Variants in TDRKH observed in about 807,000 individuals in gnomAD.
TDRKH encodes tudor and KH domain-containing protein.
Under a neutral mutation model 61.3 loss-of-function variants are expected in TDRKH, and 28 were observed. That is an observed-to-expected ratio of 0.46 (90% confidence interval 0.34 to 0.63). The LOEUF is 0.63. Among genes scored for constraint, TDRKH ranks in the 20% least tolerant of loss-of-function variants. The pLI is 0.01. For synonymous variants in TDRKH, 219 were observed against 244.4 expected (o/e 0.90, Z 0.97); for missense variants, 540 against 683.4 (o/e 0.79, Z 2.34).
intron 1 of TDRKH, among the ~76,000 whole-genome samples, chr1:151,785,693 A>C (rs1158867534): frequency 6.6e-6 from 1 of 152,230 alleles, no homozygotes; most frequent in African/African-American, 2.4e-5. Context: ...AAAACCTTGT[A>C]AAGTGATTTT....
intron 3 of TDRKH, 92 bp from the exon 4 acceptor site, chr1:151,780,232 T>A (rs577047032): frequency 2.2e-6 from 3 of 1,355,120 alleles, no homozygotes; most frequent in Non-Finnish European, 3.0e-6. Context: ...TGGAGGTAGA[T>A]AGAATTAGCC....
Position 151,781,783 on chromosome 1 carries a change from C to T in TDRKH, c.125-196G>A, listed in dbSNP as rs958275238. Reference sequence around the variant, plus strand: ...CCAAAGGATCAGAGATGGGCATTTTCTCTGGGACACTGTTTCAGATGCTAA... The same window carrying T: ...CCAAAGGATCAGAGATGGGCATTTTTTCTGGGACACTGTTTCAGATGCTAA... On this transcript the variant is annotated intron_variant, in intron 2 of 12. Transcript: ENST00000368824. 4 of 556,726 alleles carry T rather than the reference C, an allele frequency of 7.2e-6. No homozygotes were observed. In the African/African-American group the frequency reaches 7.6e-5, roughly 11 times the overall value. The allele number at this position is 556,726 out of a possible 1,614,324, so 34.5% of individuals were successfully genotyped here.
In TDRKH at chr1:151,776,482, T is replaced by A. The variant is rs1301868139; in HGVS notation, c.1001A>T (p.Asp334Val). The A allele has an allele frequency of 1.9e-6, 3 of 1,614,176 alleles. No homozygotes were observed. The highest frequency in any genetic ancestry group is 4.5e-5 in the East Asian group (2 of 44,882). The change falls in exon 7 of 13, where the codon GAT becomes GTT. Residue 334 changes from aspartate to valine, a missense_variant. Transcript: ENST00000368824. ...QIVGSRSLQL[D>V]KLVNEMTQHY... ...CTGGGTCATCTCATTGACAAGCTTA[T>A]CCAATTGCAGGCTGCGGGAGCCAAC... is the stretch of plus-strand genomic sequence containing the variant.
At chr1:151,784,053 C>T (rs1368404740) in intron 1 of TDRKH, among the ~76,000 whole-genome samples, 1 of 152,222 alleles carries the variant, frequency 6.6e-6, no homozygotes, top group Non-Finnish European at 1.5e-5. Context: ...GCTGCCTCCT[C>T]CAACCTCTCT....
At position 151,774,110 on chromosome 1, in the gene TDRKH, G is replaced by T. The variant is rs1389679453; in HGVS notation, c.*342C>A. ...AGTCCAATTTTTTTGTAGTCTGATG[G>T]GAGGAGAATATTAATTTGGTCCACA... On this transcript the variant is annotated 3_prime_UTR_variant, in exon 13 of 13. Transcript: ENST00000368824. 1 of 238,272 alleles carries T rather than the reference G, an allele frequency of 4.2e-6. No individual in the cohort carries two copies. The highest frequency in any genetic ancestry group is 1.0e-4 in the East Asian group (1 of 9,628). 14.8% of individuals were successfully genotyped at this position (238,272 alleles called of 1,614,324 possible). A position where few individuals can be genotyped will look rare whatever the true frequency, so the allele number is the denominator to read the frequency against.
downstream of TDRKH, chr1:151,770,393 CCACGAAG>C: frequency 7.7e-7 from 1 of 1,294,632 alleles, no homozygotes; most frequent in Non-Finnish European, 1.0e-6. Flanking sequence ...TTCCCACCTA[CCACGAAG>C]GTGGGAAGTT....
rs1337409258 is a variant in TDRKH at position 151,774,148 on chromosome 1, A to G, written c.*304T>C. 2.3e-5 allele frequency: 8 copies of G among 342,826 alleles called. No individual in the cohort carries two copies. The highest frequency in any genetic ancestry group is 4.5e-5 in the Admixed American group (1 of 22,008). 21.2% of individuals were successfully genotyped at this position (342,826 alleles called of 1,614,324 possible). A position where few individuals can be genotyped will look rare whatever the true frequency, so the allele number is the denominator to read the frequency against. ...AATTTGGTCCACAGCAAGCCAGACTATATGTGTAATAAAGGAAGGACTGCA... is the reference window on the plus strand; with the variant it reads ...AATTTGGTCCACAGCAAGCCAGACTGTATGTGTAATAAAGGAAGGACTGCA... On this transcript the variant is annotated 3_prime_UTR_variant, in exon 13 of 13. Transcript: ENST00000368824.
chr1:151,771,209 AG>A, downstream of TDRKH: 1 of 1,613,442 alleles, frequency 6.2e-7, no homozygotes, highest in Non-Finnish European at 8.5e-7. Context: ...CTGCCCAGTG[AG>A]CCTCCTTGAA....
In TDRKH at chr1:151,779,210, T is replaced by C; in HGVS notation, c.454A>G (p.Lys152Glu). 1.2e-6 allele frequency: 2 copies of C among 1,614,226 alleles called. No individual in the cohort carries two copies. The highest frequency in any genetic ancestry group is 1.7e-6 in the Non-Finnish European group (2 of 1,180,038). ...CAGGTAATTTTGGCTCCAGATGCCT[T>C]ACAGATAGAACGAATTGTCTCGCCG... ...RGGETIRSIC[K>E]ASGAKITCDK... The change falls in exon 5 of 13, where the codon AAG becomes GAG. Residue 152 changes from lysine (K) to glutamate (E), a missense_variant. This residue lies in a region of TDRKH where 156 missense variants were observed against 218.0 expected (regional missense o/e 0.72). Coordinates refer to ENST00000368824, the MANE Select transcript of TDRKH (RefSeq NM_001083965.2).
At chr1:151,771,146 C>A, downstream of TDRKH, 1 of 1,613,734 alleles carries the variant, frequency 6.2e-7, no homozygotes, top group Non-Finnish European at 8.5e-7. Flanking sequence ...GCCCTCCCTC[C>A]CTTGGACAAT....
At chr1:151,776,298 G>C in intron 7 of TDRKH, 30 bp from the exon 8 acceptor site, 2 of 1,607,644 alleles carry the variant, frequency 1.2e-6, no homozygotes, top group Non-Finnish European at 1.7e-6. Flanking sequence ...GAAAGGCAGA[G>C]AGTTACAAAG....
chr1:151,769,625 A>G, downstream of TDRKH: 1 of 234,202 alleles, frequency 4.3e-6, no homozygotes. Flanking sequence ...CTCACATCCC[A>G]GACGATGGGC....
intron 1 of TDRKH, among the ~76,000 whole-genome samples, chr1:151,787,577 G>A (rs1442141633): frequency 6.6e-6 from 1 of 152,010 alleles, no homozygotes; most frequent in Middle Eastern, 3.2e-3. Flanking sequence ...AATGCATCTT[G>A]GTTAAATAGT....
At chr1:151,775,295 A>G in intron 10 of TDRKH, 97 bp downstream of exon 10, 1 of 1,546,776 alleles carries the variant, frequency 6.5e-7, no homozygotes, top group Non-Finnish European at 8.8e-7. Flanking sequence ...TCTTACAGTA[A>G]GAGTAATATC....
At chr1:151,766,707 C>T, downstream of TDRKH, 1 of 1,551,580 alleles carries the variant, frequency 6.4e-7, no homozygotes, top group Non-Finnish European at 8.7e-7. Flanking sequence ...CACAGGGAGG[C>T]ACTGAACTGA....
At chr1:151,781,078 G>A (rs2101603584) in intron 3 of TDRKH, among the ~76,000 whole-genome samples, 1 of 151,748 alleles carries the variant, frequency 6.6e-6, no homozygotes, top group Admixed American at 6.6e-5. Context: ...CACTCTGGGA[G>A]GCCGAGGCAG....
rs746804472 is a variant in TDRKH at position 151,775,049 on chromosome 1, AACT to A, written c.1536+13_1536+15del. 1 of 1,613,344 alleles carries A rather than the reference AACT, an allele frequency of 6.2e-7. No homozygotes were observed. Among genetic ancestry groups the A allele is most frequent in the Middle Eastern group, 1.6e-4 (1 of 6,062 alleles). On this transcript the variant is annotated intron_variant, in intron 11 of 12. Transcript: ENST00000368824. ...TTTGCCTGGAAGCAGCACCCTATAT[AACT>A]ACAATAGCTCACCATGTCCTTCAAC...
chr1:151,779,941 C>A lies in TDRKH; in HGVS notation c.421+10G>T. 1 of 1,601,374 alleles carries A rather than the reference C, an allele frequency of 6.2e-7. No homozygotes were observed. Among genetic ancestry groups the A allele is most frequent in the South Asian group, 1.1e-5 (1 of 90,348 alleles). On this transcript the variant is annotated intron_variant, in intron 4 of 12. Coordinates refer to ENST00000368824, the MANE Select transcript of TDRKH (RefSeq NM_001083965.2). ...TAAAGGAAACAATAGAGGAAGCCAT[C>A]CAGTGGTACCTATGATTCTGCCCAC...
At chr1:151,785,971 C>T (rs1650275866) in intron 1 of TDRKH, among the ~76,000 whole-genome samples, 1 of 152,092 alleles carries the variant, frequency 6.6e-6, no homozygotes, top group Admixed American at 6.5e-5. Flanking sequence ...GTAAATGTAA[C>T]TTATGCCATA....
Sources: allele counts gnomAD v4.1 joint callset (sites outside exome capture counted in the v4.1 genomes callset), GRCh38; gene constraint gnomAD v4.1.1; regional missense constraint gnomAD v4.1.1; transcripts MANE v1.5; gene names NCBI Gene and HGNC (gene_info 2026-07-23, HGNC 2026-07-21).